WDR72: variants seen among roughly 807,000 people sequenced by gnomAD.
WDR72 encodes the protein WD repeat-containing protein 72.
A neutral mutation model predicts 124.2 loss-of-function variants in WDR72; 120 were observed. The ratio of observed to expected loss-of-function variants is 0.97; its 90% CI spans 0.83 to 1.12. WDR72 has a LOEUF of 1.12. WDR72 is among the 50% of genes most tolerant of loss of function. The pLI is 0.00. For synonymous variants in WDR72, 452 were observed against 441.7 expected (o/e 1.02, Z -0.29); for missense variants, 1,387 against 1,278.8 (o/e 1.08, Z -1.29).
At chr15:53,695,896 C>T (rs991375222) in intron 13 of WDR72, among the ~76,000 whole-genome samples, 2 of 152,194 alleles carry the variant, frequency 1.3e-5, no homozygotes, top group African/African-American at 4.8e-5. Context: ...CAAGAGGCCT[C>T]GCAAACTTTC....
In WDR72 at chr15:53,522,163, C is replaced by A. The variant is rs575105768; in HGVS notation, c.3253+1055G>T. Among the ~76,000 whole-genome samples the A allele has an allele frequency of 3.7e-4, 57 of 152,070 alleles. 1 individual carries two copies. The highest frequency in any genetic ancestry group is 1.7e-3 in the South Asian group (8 of 4,816). The stretch of plus-strand genomic sequence containing the variant: ...TGGGGTTCCGAGATGACTTAGGGGA[C>A]CTGACATAGATTGCAGGCTGCACCT... On this transcript the variant is annotated intron_variant, in intron 19 of 19. Coordinates refer to ENST00000360509, the MANE Select transcript of WDR72 (RefSeq NM_182758.4).
intron 14 of WDR72, among the ~76,000 whole-genome samples, chr15:53,635,264 G>A (rs982722918): frequency 1.1e-4 from 16 of 152,250 alleles, no homozygotes; most frequent in African/African-American, 3.4e-4. Flanking sequence ...AAAGACAAAC[G>A]TAGGTAGAGA....
At chr15:53,686,093 C>T (rs888037972) in intron 13 of WDR72, among the ~76,000 whole-genome samples, 2 of 148,968 alleles carry the variant, frequency 1.3e-5, no homozygotes, top group Admixed American at 1.3e-4. Flanking sequence ...CCGGTACCAG[C>T]CACTGCAAAA....
intron 11 of WDR72, among the ~76,000 whole-genome samples, chr15:53,704,495 A>G (rs974797155): frequency 7.3e-5 from 11 of 151,616 alleles, no homozygotes; most frequent in Non-Finnish European, 1.5e-4. Context: ...CTTATTGTGT[A>G]GCCTTCTGCT....
chr15:53,599,849 A>G (rs2140343649), intron 17 of WDR72, among the ~76,000 whole-genome samples: 1 of 152,308 alleles, frequency 6.6e-6, no homozygotes, highest in East Asian at 1.9e-4. Context: ...ACATGTCATG[A>G]CTTCACTTTA....
intron 17 of WDR72, among the ~76,000 whole-genome samples, chr15:53,607,444 A>T (rs1306553605): frequency 3.3e-5 from 5 of 152,282 alleles, no homozygotes; most frequent in Middle Eastern, 3.4e-3. Context: ...CTCTTCAATA[A>T]ATGGTGCTGG....
chr15:53,655,880 A>T (rs2015404722), intron 14 of WDR72, among the ~76,000 whole-genome samples: 3 of 152,140 alleles, frequency 2.0e-5, no homozygotes, highest in Non-Finnish European at 4.4e-5. Context: ...TTTAGTAGAG[A>T]CGGGGTTTCA....
At chr15:53,726,224 A>ATATATATATGTATGTGTG (rs2018025901) in intron 2 of WDR72, among the ~76,000 whole-genome samples, 1 of 140,668 alleles carries the variant, frequency 7.1e-6, no homozygotes, top group Non-Finnish European at 1.5e-5. Context: ...GTATGTGTAT[A>ATATATATATGTATGTGTG]TATATATATA....
intron 14 of WDR72, among the ~76,000 whole-genome samples, chr15:53,635,145 C>A (rs1018489345): frequency 2.0e-5 from 3 of 152,160 alleles, no homozygotes; most frequent in African/African-American, 7.2e-5. Flanking sequence ...CTCTGCAAAC[C>A]AGTGAGAAGC....
intron 17 of WDR72, among the ~76,000 whole-genome samples, chr15:53,598,139 A>C (rs2012865057): frequency 6.6e-6 from 1 of 152,160 alleles, no homozygotes; most frequent in South Asian, 2.1e-4. Context: ...TTAGGGAGAG[A>C]AAAGAATGGA....
intron 1 of WDR72, among the ~76,000 whole-genome samples, chr15:53,757,284 A>G (rs1281395389): frequency 1.3e-5 from 2 of 152,146 alleles, no homozygotes; most frequent in African/African-American, 4.8e-5. Context: ...CCATACATAT[A>G]GAAAAGGCCT....
intron 2 of WDR72, among the ~76,000 whole-genome samples, chr15:53,725,388 G>C (rs1189971851): frequency 1.3e-5 from 2 of 152,126 alleles, no homozygotes; most frequent in African/African-American, 4.8e-5. Context: ...CTTTGGAAAA[G>C]AGTACAGTAG....
At chr15:53,575,826 G>C (rs1265782033) in intron 18 of WDR72, among the ~76,000 whole-genome samples, 1 of 152,094 alleles carries the variant, frequency 6.6e-6, no homozygotes, top group Non-Finnish European at 1.5e-5. Flanking sequence ...ATAACACAGA[G>C]ACATTTAATT....
intron 1 of WDR72, among the ~76,000 whole-genome samples, chr15:53,739,281 C>G (rs117247775): frequency 0.016 from 2,456 of 152,210 alleles, 27 homozygotes; most frequent in Non-Finnish European, 0.023. Context: ...CCCACAAAAC[C>G]TGCCATTAAA....
chr15:53,667,143 G>A (rs2015806756), intron 13 of WDR72, among the ~76,000 whole-genome samples: 2 of 152,090 alleles, frequency 1.3e-5, no homozygotes. Context: ...CCTGAGTCCA[G>A]TAGTTTGAAA....
chr15:53,668,971 GAGGAGGAGAAGGAGA>G (rs2015884763), intron 13 of WDR72, among the ~76,000 whole-genome samples: 1 of 106,820 alleles, frequency 9.4e-6, no homozygotes, highest in Non-Finnish European at 2.1e-5. Flanking sequence ...GAAGGAGGAG[GAGGAGGAGAAGGAGA>G]AGGAGGAGGA....
chr15:53,515,436 G>T lies in WDR72; in HGVS notation c.*2263C>A, dbSNP rs980862645. On this transcript the variant is annotated 3_prime_UTR_variant, in exon 20 of 20. Coordinates refer to ENST00000360509, the MANE Select transcript of WDR72 (RefSeq NM_182758.4). ...TATGTGGAACACCAGTCAATATAAA[G>T]AATTCATTTTTAAACAGACTAGTGA... 1 of 152,104 alleles carries T rather than the reference G, an allele frequency of 6.6e-6. No individual in the cohort carries two copies. Among genetic ancestry groups the T allele is most frequent in the African/African-American group, 2.4e-5 (1 of 41,430 alleles). The allele number at this position is 152,104 out of a possible 1,614,324, so 9.4% of individuals were successfully genotyped here. A position where few individuals can be genotyped will look rare whatever the true frequency, so the allele number is the denominator to read the frequency against.
intron 18 of WDR72, among the ~76,000 whole-genome samples, chr15:53,579,874 G>A (rs1470125377): frequency 3.9e-5 from 6 of 152,054 alleles, no homozygotes; most frequent in Non-Finnish European, 7.4e-5. Flanking sequence ...AAGATCAAGG[G>A]CTGGGGCCAA....
intron 14 of WDR72, among the ~76,000 whole-genome samples, chr15:53,657,483 C>T (rs771762005): frequency 2.0e-5 from 3 of 151,912 alleles, no homozygotes; most frequent in Non-Finnish European, 2.9e-5. Context: ...AAGCTAAACA[C>T]AAAATTAAAA....
Sources: allele counts gnomAD v4.1 joint callset (sites outside exome capture counted in the v4.1 genomes callset), GRCh38; gene constraint gnomAD v4.1.1; transcripts MANE v1.5; gene names NCBI Gene and HGNC (gene_info 2026-07-23, HGNC 2026-07-21).